ANXA1: variants seen among roughly 807,000 people sequenced by gnomAD.
ANXA1 encodes the protein annexin I (lipocortin I).
Under a neutral mutation model 47.9 loss-of-function variants are expected in ANXA1, and 39 were observed. That is an observed-to-expected ratio of 0.81 (90% CI 0.63 to 1.06). The LOEUF (loss-of-function observed/expected upper bound fraction) is 1.06. Among genes scored for constraint, ANXA1 ranks in the 50% least tolerant of loss-of-function variants. The probability of loss-of-function intolerance (pLI) is 0.00; values close to 1 mark genes in which losing one functional copy is unlikely to be tolerated. For synonymous variants in ANXA1, 146 were observed against 142.5 expected, an observed-to-expected ratio of 1.02 and a Z score of -0.17; for missense variants, 446 against 422.7, an observed-to-expected ratio of 1.06 and a Z score of -0.48.
intron 3 of ANXA1, among the ~76,000 whole-genome samples, chr9:73,159,042 T>C (rs1824095585): frequency 6.6e-6 from 1 of 152,216 alleles, no homozygotes; most frequent in African/African-American, 2.4e-5. Flanking sequence ...AATTCCATGC[T>C]GAAATTAAAA....
chr9:73,159,552 T>A, intron 4 of ANXA1, 129 bp downstream of exon 4: 1 of 661,848 alleles, frequency 1.5e-6, no homozygotes, highest in South Asian at 2.3e-5. Context: ...ATGATTGGGA[T>A]TGCAGTGTTT....
In ANXA1 at chr9:73,166,127, A is replaced by G. The variant is rs764761585; in HGVS notation, c.737A>G (p.His246Arg). The G allele has an allele frequency of 6.8e-6, 11 of 1,612,328 alleles. No homozygotes were observed. Among genetic ancestry groups the G allele is most frequent in the South Asian group, 6.6e-5 (6 of 90,940 alleles). ...CAGAAATACACCAAGTACAGTAAGC[A>G]TGACATGAACAAAGTTCTGGACCTG... is the stretch of plus-strand genomic sequence containing the variant. ...VFQKYTKYSK[H>R]DMNKVLDLEL... Residue 246 changes from histidine to arginine, a missense_variant, in exon 10 of 13, where the codon CAT becomes CGT. His to Arg is a conservative substitution (Grantham distance 29). Transcript: ENST00000257497.
At chr9:73,162,173 A>T (rs1414633934) in intron 6 of ANXA1, among the ~76,000 whole-genome samples, 1 of 152,182 alleles carries the variant, frequency 6.6e-6, no homozygotes, top group Non-Finnish European at 1.5e-5. Context: ...ACATCTCCCA[A>T]CAGGCCCCAC....
At chr9:73,158,248 TGTAGTA>T (rs1477004409) in intron 1 of ANXA1, 1 of 355,264 alleles carries the variant, frequency 2.8e-6, no homozygotes, top group African/African-American at 2.1e-5. Flanking sequence ...TGTGCTTACT[TGTAGTA>T]GTTGTCTGAT....
intron 10 of ANXA1, 144 bp from the exon 11 acceptor site, chr9:73,167,353 G>A: frequency 3.0e-6 from 2 of 665,492 alleles, no homozygotes; most frequent in Non-Finnish European, 5.3e-6. Context: ...GAAGTTAACT[G>A]CCCTATATTG....
At chr9:73,167,450 A>AT (rs766261103) in intron 10 of ANXA1, 47 bp from the exon 11 acceptor site, 7 of 1,560,636 alleles carry the variant, frequency 4.5e-6, no homozygotes, top group Admixed American at 1.7e-5. Flanking sequence ...TGGATATTTC[A>AT]TTTTTTTCAT....
At chr9:73,158,861 G>A in intron 3 of ANXA1, 58 bp downstream of exon 3, 12 of 1,365,876 alleles carry the variant, frequency 8.8e-6, no homozygotes, top group South Asian at 2.4e-5. Flanking sequence ...CTATTTGAAT[G>A]ACTGTCAAAA....
intron 8 of ANXA1, among the ~76,000 whole-genome samples, chr9:73,164,048 A>T (rs906482487): frequency 2.0e-5 from 3 of 152,126 alleles, no homozygotes; most frequent in African/African-American, 7.2e-5. Context: ...GACATTGCTG[A>T]TTATTTATAT....
chr9:73,162,954 A>G, intron 7 of ANXA1, 93 bp downstream of exon 7: 1 of 1,029,640 alleles, frequency 9.7e-7, no homozygotes, highest in South Asian at 1.5e-5. Flanking sequence ...ATCTGAGGCT[A>G]GGTAATTTTT....
At chr9:73,164,254 T>C (rs922266799) in intron 8 of ANXA1, among the ~76,000 whole-genome samples, 2 of 152,154 alleles carry the variant, frequency 1.3e-5, no homozygotes, top group Admixed American at 1.3e-4. Context: ...CAGTACATTA[T>C]CATGTACATA....
intron 1 of ANXA1, among the ~76,000 whole-genome samples, chr9:73,152,385 C>G (rs912717525): frequency 3.9e-5 from 6 of 152,128 alleles, no homozygotes; most frequent in African/African-American, 1.4e-4. Context: ...AATAGTAGGA[C>G]TTTCATAATT....
chr9:73,165,615 A>T (rs1296846570), intron 9 of ANXA1: 1 of 164,324 alleles, frequency 6.1e-6, no homozygotes, highest in African/African-American at 2.4e-5. Flanking sequence ...ACAAGACAAA[A>T]CTCAGAAAAA....
chr9:73,169,176 G>A, intron 12 of ANXA1, 22 bp downstream of exon 12: 1 of 1,580,520 alleles, frequency 6.3e-7, no homozygotes. Context: ...TTCCTCTAAT[G>A]CCATCCCAAC....
rs759209422 is a variant in ANXA1 at position 73,160,345 on chromosome 9, T to C, written c.353T>C (p.Phe118Ser). 1.9e-6 allele frequency: 3 copies of C among 1,585,938 alleles called. No homozygotes were observed. The highest frequency in any genetic ancestry group is 2.3e-5 in the South Asian group (2 of 86,016). The change falls in exon 5 of 13, where the codon TTT (phenylalanine) becomes TCT (serine). Residue 118 changes from phenylalanine (F) to serine (S), a missense_variant. Transcript: ENST00000257497. ...GCTCTGCTAAAAACTCCAGCGCAATTTGATGCTGATGAACTTCGTGCTGCC... is the reference window on the plus strand; with the variant it reads ...GCTCTGCTAAAAACTCCAGCGCAATCTGATGCTGATGAACTTCGTGCTGCC... ...VLALLKTPAQ[F>S]DADELRAAMK...
At chr9:73,161,564 T>G (rs1824143482) in intron 6 of ANXA1, among the ~76,000 whole-genome samples, 1 of 152,110 alleles carries the variant, frequency 6.6e-6, no homozygotes, top group Admixed American at 6.6e-5. Flanking sequence ...GCTGCTGGCT[T>G]TTTGGCTTTC....
In ANXA1 at chr9:73,162,811, A is replaced by G. The variant is rs1319099937; in HGVS notation, c.505A>G (p.Thr169Ala). 6.2e-7 allele frequency: 1 copy of G among 1,613,234 alleles called. No homozygotes were observed. Residue 169 changes from threonine to alanine, a missense_variant, in exon 7 of 13, where the codon ACC becomes GCC. Coordinates refer to ENST00000257497, the MANE Select transcript of ANXA1 (RefSeq NM_000700.3). ...ELKRDLAKDITSDTSGDFRNA... is the reference protein window; with the variant it reads ...ELKRDLAKDIASDTSGDFRNA... ...GAAGAGAGATCTGGCCAAAGACATA[A>G]CCTCAGACACATCTGGAGATTTTCG...
At position 73,158,735 on chromosome 9, in the gene ANXA1, T is replaced by C. The variant is rs2118145374; in HGVS notation, c.107T>C (p.Val36Ala). ...KSSKGGPGSA[V>A]SPYPTFNPSS... ...TCCAAAGGTGGTCCCGGATCAGCGG[T>C]GAGCCCCTATCCTACCTTCAATCCA... Residue 36 changes from valine (V) to alanine (A), a missense_variant, in exon 3 of 13, where the codon GTG becomes GCG. By Grantham distance (64) the Val-to-Ala change is moderately conservative (BLOSUM62 0). Transcript: ENST00000257497. 2 of 1,613,884 alleles carry C rather than the reference T, an allele frequency of 1.2e-6. No homozygotes were observed. Among genetic ancestry groups the C allele is most frequent in the South Asian group, 1.1e-5 (1 of 91,082 alleles).
At chr9:73,156,677 T>G (rs1824053321) in intron 1 of ANXA1, among the ~76,000 whole-genome samples, 1 of 152,184 alleles carries the variant, frequency 6.6e-6, no homozygotes, top group African/African-American at 2.4e-5. Flanking sequence ...TGGAAAGAGT[T>G]TGTCTGAACA....
chr9:73,166,252 C>G, intron 10 of ANXA1, 60 bp downstream of exon 10: 1 of 1,210,418 alleles, frequency 8.3e-7, no homozygotes, highest in East Asian at 2.4e-5. Context: ...CAAAGCTATC[C>G]TATACTTAAC....
Sources: allele counts gnomAD v4.1 joint callset (sites outside exome capture counted in the v4.1 genomes callset), GRCh38; gene constraint gnomAD v4.1.1; transcripts MANE v1.5; gene names NCBI Gene and HGNC (gene_info 2026-07-23, HGNC 2026-07-21).